The following SYTL5 variants were observed in gnomAD, a reference collection of about 807,000 sequenced individuals.
SYTL5 encodes synaptotagmin like 5.
In SYTL5, 34 loss-of-function variants were observed where a neutral mutation model predicts 55.9. That is an observed-to-expected ratio of 0.61 (90% CI 0.46 to 0.81). The LOEUF is 0.81. Ranked by LOEUF, SYTL5 falls within the 30% of genes least tolerant of loss-of-function variation. The pLI, the probability that SYTL5 is intolerant of heterozygous loss-of-function variation, is 0.00. For missense variants in SYTL5, 637 were observed against 546.7 expected, an observed-to-expected ratio of 1.17 and a Z score of -1.65; for synonymous variants, 221 against 188.7, an observed-to-expected ratio of 1.17 and a Z score of -1.40.
At chrX:38,030,609 G>A (rs1934924495) in intron 1 of SYTL5, among the ~76,000 whole-genome samples, 1 of 112,218 alleles carries the variant, frequency 8.9e-6, no homozygotes, top group Non-Finnish European at 1.9e-5. Context: ...CAGAAGGGAA[G>A]CCGGAAGTTG....
At chrX:37,987,952 G>A in the SYTL5 span, among the ~76,000 whole-genome samples, 1 of 111,892 alleles carries the variant, frequency 8.9e-6, no homozygotes, top group Non-Finnish European at 1.9e-5. Flanking sequence ...TTCCCTGCCA[G>A]AGTTTCCTGG....
intron 3 of SYTL5, among the ~76,000 whole-genome samples, chrX:38,064,256 G>T (rs926387706): frequency 5.7e-4 from 64 of 111,619 alleles, no homozygotes; most frequent in African/African-American, 2.1e-3. Flanking sequence ...ACAAGATAAT[G>T]TTAAATTCTT....
intron 2 of SYTL5, among the ~76,000 whole-genome samples, chrX:38,047,171 C>G (rs1212154606): frequency 8.9e-6 from 1 of 112,447 alleles, no homozygotes; most frequent in Non-Finnish European, 1.9e-5. Flanking sequence ...CACAGCTTCA[C>G]TAGGTGGTGC....
the SYTL5 span, among the ~76,000 whole-genome samples, chrX:37,916,229 G>A: frequency 0.022 from 2,464 of 111,754 alleles, 33 homozygotes; most frequent in Non-Finnish European, 0.035. Flanking sequence ...CATAAGGTGG[G>A]CTTTGGCAAG....
At chrX:37,927,915 G>A in the SYTL5 span, among the ~76,000 whole-genome samples, 1 of 111,880 alleles carries the variant, frequency 8.9e-6, no homozygotes, top group Non-Finnish European at 1.9e-5. Context: ...TGAAAAAATG[G>A]CCTGAAAATA....
the SYTL5 span, among the ~76,000 whole-genome samples, chrX:37,894,726 A>C: frequency 6.3e-4 from 71 of 111,831 alleles, no homozygotes; most frequent in African/African-American, 2.2e-3. Flanking sequence ...TGAGTAGGGA[A>C]GCTTGCTCTC....
chrX:37,896,812 A>T, the SYTL5 span, among the ~76,000 whole-genome samples: 1 of 112,176 alleles, frequency 8.9e-6, no homozygotes, highest in African/African-American at 3.2e-5. Context: ...CAACCCACAG[A>T]ATAATGAGCT....
At chrX:37,925,519 T>C in the SYTL5 span, among the ~76,000 whole-genome samples, 1 of 112,146 alleles carries the variant, frequency 8.9e-6, no homozygotes, top group Admixed American at 9.4e-5. Flanking sequence ...TGGTGTTCCC[T>C]TTTTCTCTGC....
chrX:38,096,307 C>A, intron 9 of SYTL5, 73 bp downstream of exon 9: 2 of 583,158 alleles, frequency 3.4e-6, no homozygotes, highest in Non-Finnish European at 5.6e-6. Context: ...AGTGGTTTCA[C>A]TTTTAGGTGA....
intron 13 of SYTL5, among the ~76,000 whole-genome samples, chrX:38,115,998 C>CA (rs1157377597): frequency 9.1e-6 from 1 of 110,223 alleles, no homozygotes; most frequent in East Asian, 2.8e-4. Flanking sequence ...GGGTCATATT[C>CA]AAAAAAAAAT....
Position 38,089,722 on chromosome X carries a change from G to A in SYTL5, c.831+135G>A. ...TTCTGCATGGCTGCAGAGACCTCAGGAAACTTACAATCATGGCAGAAGGAG... is the reference window on the plus strand; with the variant it reads ...TTCTGCATGGCTGCAGAGACCTCAGAAAACTTACAATCATGGCAGAAGGAG... On this transcript the variant is annotated intron_variant, in intron 7 of 16. Transcript: ENST00000297875. The A allele has an allele frequency of 1.0e-5, 7 of 686,377 alleles. No homozygotes were observed. In the South Asian group the frequency reaches 2.3e-4, roughly 22 times the overall value. 56.6% of individuals were successfully genotyped at this position (686,377 alleles called of 1,213,427 possible). A position where few individuals can be genotyped will look rare whatever the true frequency, so the allele number is the denominator to read the frequency against.
chrX:38,073,102 A>G (rs1936308227), intron 4 of SYTL5, among the ~76,000 whole-genome samples: 1 of 111,858 alleles, frequency 8.9e-6, no homozygotes, highest in South Asian at 3.8e-4. Flanking sequence ...GAATTAGGCA[A>G]TCAGCCATGG....
At chrX:38,011,329 TAG>T (rs895822036) in intron 1 of SYTL5, among the ~76,000 whole-genome samples, 3 of 112,091 alleles carry the variant, frequency 2.7e-5, no homozygotes, top group Non-Finnish European at 5.6e-5. Context: ...CTCTGTTTCC[TAG>T]AGAGTATGTT....
At chrX:37,889,792 C>T in the SYTL5 span, among the ~76,000 whole-genome samples, 1 of 110,414 alleles carries the variant, frequency 9.1e-6, no homozygotes, top group African/African-American at 3.3e-5. Context: ...AAAGGAAGTG[C>T]CACTAATGCT....
intron 3 of SYTL5, among the ~76,000 whole-genome samples, chrX:38,067,919 A>G (rs1936142757): frequency 8.9e-6 from 1 of 112,258 alleles, no homozygotes; most frequent in Admixed American, 9.5e-5. Context: ...AATTACAATA[A>G]AAACAAAAAT....
the SYTL5 span, among the ~76,000 whole-genome samples, chrX:37,893,522 AATCT>A: frequency 9.8e-5 from 9 of 91,784 alleles, no homozygotes; most frequent in East Asian, 1.9e-3. Context: ...TATAATCTAT[AATCT>A]ATCTATAGAT....
intron 7 of SYTL5, among the ~76,000 whole-genome samples, chrX:38,090,271 A>C (rs1276468453): frequency 8.9e-6 from 1 of 112,406 alleles, no homozygotes; most frequent in African/African-American, 3.2e-5. Flanking sequence ...TAAATCTGGA[A>C]AAGTAGAACT....
At chrX:38,075,439 G>A (rs769583172) in intron 5 of SYTL5, among the ~76,000 whole-genome samples, 3 of 111,587 alleles carry the variant, frequency 2.7e-5, no homozygotes, top group Admixed American at 1.9e-4. Context: ...TAAATAAGCA[G>A]GTGGACAATA....
the SYTL5 span, among the ~76,000 whole-genome samples, chrX:37,912,150 T>A: frequency 8.9e-6 from 1 of 111,852 alleles, no homozygotes; most frequent in South Asian, 3.7e-4. Flanking sequence ...GCCATAACTG[T>A]TTTGAGTTTA....
Sources: allele counts gnomAD v4.1 joint callset (sites outside exome capture counted in the v4.1 genomes callset), GRCh38; gene constraint gnomAD v4.1.1; transcripts MANE v1.5; gene names NCBI Gene and HGNC (gene_info 2026-07-23, HGNC 2026-07-21).